The following LRRC37A2 variants were observed in gnomAD, a reference collection of about 807,000 sequenced individuals.
LRRC37A2 encodes leucine rich repeat containing 37 member A2, also known as leucine-rich repeat-containing protein 37A2.
LRRC37A2 carries 9 observed loss-of-function variants against 68.8 expected under a neutral mutation model. That is an observed-to-expected ratio of 0.13 (90% confidence interval 0.08 to 0.23). LRRC37A2 has a LOEUF of 0.23. Among genes scored for constraint, LRRC37A2 ranks in the 10% least tolerant of loss-of-function variants. LRRC37A2 has a pLI of 1.00. For synonymous variants in LRRC37A2, 63 were observed against 367.6 expected, an observed-to-expected ratio of 0.17 and a Z score of 9.48; for missense variants, 168 against 950.4, an observed-to-expected ratio of 0.18 and a Z score of 10.82.
the LRRC37A2 span, among the ~76,000 whole-genome samples, chr17:46,501,208 C>G: frequency 1.9e-4 from 28 of 151,230 alleles, 1 homozygote; most frequent in Admixed American, 1.5e-3. Context: ...GAGACGGAGT[C>G]TCTGTTGCCT....
At chr17:46,827,872 C>T in the LRRC37A2 span, among the ~76,000 whole-genome samples, 1 of 149,782 alleles carries the variant, frequency 6.7e-6, no homozygotes, top group Non-Finnish European at 1.5e-5. Flanking sequence ...TGCAGTGGTG[C>T]AATCTCGGCT....
the LRRC37A2 span, among the ~76,000 whole-genome samples, chr17:46,859,910 A>G: frequency 6.6e-6 from 1 of 152,218 alleles, no homozygotes; most frequent in Non-Finnish European, 1.5e-5. Context: ...GAAAATTTAA[A>G]AAAAGAAATT....
At chr17:46,872,779 G>A in the LRRC37A2 span, 18 of 1,584,550 alleles carry the variant, frequency 1.1e-5, no homozygotes, top group African/African-American at 2.7e-5. Flanking sequence ...GAGAGGTGGG[G>A]AGGAGGGCTA....
At chr17:46,851,153 A>C in the LRRC37A2 span, among the ~76,000 whole-genome samples, 1 of 152,010 alleles carries the variant, frequency 6.6e-6, no homozygotes, top group Non-Finnish European at 1.5e-5. This position sits in a 1 kb window ranked among gnomAD's most constrained non-coding sequence, Gnocchi z 4.3. Flanking sequence ...AGGAGGGCGG[A>C]CAATGACCCG....
the LRRC37A2 span, among the ~76,000 whole-genome samples, chr17:46,844,325 T>G: frequency 7.4e-6 from 1 of 135,138 alleles, no homozygotes; most frequent in Non-Finnish European, 1.6e-5. Flanking sequence ...TTTTTTTTTT[T>G]GATAAGTTAA....
the LRRC37A2 span, among the ~76,000 whole-genome samples, chr17:46,686,004 TGACA>T: frequency 5.4e-5 from 7 of 129,796 alleles, no homozygotes; most frequent in African/African-American, 2.0e-4. Context: ...TAAGGCACAT[TGACA>T]GTAAAACTCA....
chr17:46,568,515 G>C, the LRRC37A2 span, among the ~76,000 whole-genome samples: 19 of 108,384 alleles, frequency 1.8e-4, 1 homozygote, highest in East Asian at 3.1e-4. Flanking sequence ...AAAAAAAAGA[G>C]GGGGGGAGGC....
the LRRC37A2 span, among the ~76,000 whole-genome samples, chr17:46,862,294 A>G: frequency 1.8e-4 from 27 of 152,222 alleles, no homozygotes; most frequent in Admixed American, 1.8e-3. Context: ...AACGTATCGT[A>G]TATTCCATGG....
chr17:46,778,971 C>T, the LRRC37A2 span, among the ~76,000 whole-genome samples: 1 of 151,876 alleles, frequency 6.6e-6, no homozygotes, highest in Non-Finnish European at 1.5e-5. Flanking sequence ...GTTTCCAATT[C>T]CATCTGGCTA....
chr17:46,541,708 A>G (rs2055353874), intron 8 of LRRC37A2, among the ~76,000 whole-genome samples: 1 of 150,974 alleles, frequency 6.6e-6, no homozygotes, highest in Non-Finnish European at 1.5e-5. Flanking sequence ...AAACAACAAT[A>G]CAACAATAAA....
chr17:46,815,442 C>T, the LRRC37A2 span, among the ~76,000 whole-genome samples: 1 of 152,160 alleles, frequency 6.6e-6, no homozygotes, highest in Non-Finnish European at 1.5e-5. Flanking sequence ...AGCTACATGA[C>T]TTCCCCTGTA....
At chr17:47,006,247 C>T in the LRRC37A2 span, among the ~76,000 whole-genome samples, 2 of 152,098 alleles carry the variant, frequency 1.3e-5, no homozygotes, top group Non-Finnish European at 2.9e-5. Flanking sequence ...TCCTGTCCTT[C>T]GAGCTGGCAA....
chr17:46,958,869 G>A, the LRRC37A2 span, among the ~76,000 whole-genome samples: 1 of 152,222 alleles, frequency 6.6e-6, no homozygotes, highest in Admixed American at 6.5e-5. Flanking sequence ...CAGACTTGCT[G>A]TGTGGCCCCT....
chr17:46,769,329 A>G, the LRRC37A2 span, among the ~76,000 whole-genome samples: 4 of 151,976 alleles, frequency 2.6e-5, no homozygotes, highest in South Asian at 6.2e-4. Context: ...AAAAAAAAAA[A>G]AAAGAAAAGA....
chr17:46,884,044 C>T, the LRRC37A2 span, among the ~76,000 whole-genome samples: 3 of 152,062 alleles, frequency 2.0e-5, no homozygotes, highest in Admixed American at 6.5e-5. Flanking sequence ...TGGTGGAGGC[C>T]GGGCAGAGGC....
chr17:46,946,297 A>T, the LRRC37A2 span, among the ~76,000 whole-genome samples: 2 of 148,030 alleles, frequency 1.4e-5, no homozygotes, highest in South Asian at 2.2e-4. Context: ...AAAAAAAAAA[A>T]AAAAAGAAAA....
the LRRC37A2 span, among the ~76,000 whole-genome samples, chr17:46,908,642 A>G: frequency 1.4e-4 from 21 of 152,304 alleles, no homozygotes; most frequent in African/African-American, 3.8e-4. Context: ...CTGGCTGCCA[A>G]TGAAAGAACC....
chr17:46,871,620 C>G, the LRRC37A2 span, among the ~76,000 whole-genome samples: 1 of 152,098 alleles, frequency 6.6e-6, no homozygotes, highest in Non-Finnish European at 1.5e-5. Flanking sequence ...TCCCACCAAC[C>G]CTAGGAGGTA....
the LRRC37A2 span, chr17:47,017,118 G>A: frequency 1.3e-6 from 2 of 1,587,972 alleles, no homozygotes; most frequent in Non-Finnish European, 8.6e-7. Flanking sequence ...CAGATCTGTG[G>A]CATAAATACA....
Sources: gnomAD v4.1 joint callset for allele counts (sites outside exome capture counted in the v4.1 genomes callset) on GRCh38, gnomAD v4.1.1 for gene constraint, Gnocchi (gnomAD v3.1) non-coding constraint, MANE v1.5 for transcripts, NCBI Gene and HGNC (gene_info 2026-07-23, HGNC 2026-07-21) for gene names.